The following WDFY1 variants were observed in gnomAD, a reference collection of about 807,000 sequenced individuals.
WDFY1 encodes the protein WD repeat and FYVE domain containing 1, also known as WD repeat and FYVE domain-containing protein 1.
A neutral mutation model predicts 56.4 loss-of-function variants in WDFY1; 32 were observed. The observed-to-expected ratio is 0.57, with a 90% CI of 0.43 to 0.76. The LOEUF (loss-of-function observed/expected upper bound fraction) is 0.76, where lower values mean the gene tolerates loss of function less well. Ranked by LOEUF, WDFY1 falls within the 30% of genes least tolerant of loss-of-function variation. The pLI is 0.00. For synonymous variants in WDFY1, 192 were observed against 197.3 expected, an observed-to-expected ratio of 0.97 and a Z score of 0.23; for missense variants, 480 against 545.7, an observed-to-expected ratio of 0.88 and a Z score of 1.20.
intron 1 of WDFY1, among the ~76,000 whole-genome samples, chr2:223,929,305 A>G (rs1694038529): frequency 6.7e-6 from 1 of 150,334 alleles, no homozygotes; most frequent in Non-Finnish European, 1.5e-5. Context: ...CTCCTGCCTC[A>G]GCCCCGCTAG....
chr2:223,902,533 C>A (rs1411645279), intron 4 of WDFY1, among the ~76,000 whole-genome samples: 1 of 152,060 alleles, frequency 6.6e-6, no homozygotes, highest in Non-Finnish European at 1.5e-5. Flanking sequence ...CCACTGCACT[C>A]CAGCCTGGGT....
rs571238887 is a variant in WDFY1, at chr2:223,887,312, G to A, written c.832-2563C>T. On this transcript the variant is annotated intron_variant, in intron 8 of 11. Coordinates refer to ENST00000233055, the MANE Select transcript of WDFY1 (RefSeq NM_020830.5). ...TCTTATGTCTGGGACATGCCCAAGC[G>A]TAACTCTTGCAAAACCACAGTCACA... Among the ~76,000 whole-genome samples the A allele has an allele frequency of 6.6e-5, 10 of 152,202 alleles. No individual in the cohort carries two copies. The East Asian group carries it at 1.7e-3, about 26-fold the overall frequency.
intron 6 of WDFY1, among the ~76,000 whole-genome samples, chr2:223,896,155 C>CAAAGAAAAAAAAAAAAA (rs1693368659): frequency 2.5e-5 from 1 of 39,828 alleles, no homozygotes; most frequent in Non-Finnish European, 4.2e-5. Context: ...GACTCTGTCT[C>CAAAGAAAAAAAAAAAAA]AAAAAAAAAA....
intron 1 of WDFY1, among the ~76,000 whole-genome samples, chr2:223,920,980 A>G (rs1216214941): frequency 6.6e-6 from 1 of 152,152 alleles, no homozygotes; most frequent in Non-Finnish European, 1.5e-5. Flanking sequence ...GATGTAAAAC[A>G]ACGACAAAAA....
At chr2:223,901,612 A>G (rs534185232) in intron 4 of WDFY1, among the ~76,000 whole-genome samples, 1 of 151,572 alleles carries the variant, frequency 6.6e-6, no homozygotes, top group Non-Finnish European at 1.5e-5. Context: ...AAATCAAATA[A>G]TAGATTAGAG....
chr2:223,918,237 A>G (rs891697118), intron 1 of WDFY1, among the ~76,000 whole-genome samples: 9 of 152,104 alleles, frequency 5.9e-5, no homozygotes, highest in African/African-American at 2.2e-4. Flanking sequence ...TATGCACACC[A>G]TATACATATA....
At chr2:223,929,194 T>TTGTTTTG (rs201980550) in intron 1 of WDFY1, among the ~76,000 whole-genome samples, 1 of 145,312 alleles carries the variant, frequency 6.9e-6, no homozygotes, top group South Asian at 2.2e-4. Context: ...TTTTTGTTTT[T>TTGTTTTG]TTTTTTTTTT....
intron 1 of WDFY1, among the ~76,000 whole-genome samples, chr2:223,930,487 G>A (rs1274883814): frequency 3.9e-5 from 6 of 152,140 alleles, no homozygotes; most frequent in Non-Finnish European, 7.4e-5. Flanking sequence ...GCGCCACCAC[G>A]CCAGGCTAAG....
At chr2:223,904,937 T>C (rs533067354) in intron 4 of WDFY1, among the ~76,000 whole-genome samples, 1 of 152,242 alleles carries the variant, frequency 6.6e-6, no homozygotes, top group African/African-American at 2.4e-5. Context: ...GAAAAAAAGG[T>C]ATATGTCACA....
chr2:223,939,496 T>C (rs1689260624), intron 1 of WDFY1, among the ~76,000 whole-genome samples: 1 of 152,102 alleles, frequency 6.6e-6, no homozygotes, highest in Non-Finnish European at 1.5e-5. Flanking sequence ...AGAAACTAGG[T>C]AATTATAAAC....
intron 3 of WDFY1, among the ~76,000 whole-genome samples, chr2:223,907,906 C>G (rs910530907): frequency 1.3e-5 from 2 of 151,212 alleles, no homozygotes; most frequent in African/African-American, 2.4e-5. Context: ...GCCATCCAGG[C>G]TGGAGTGCAG....
chr2:223,916,231 T>G (rs1693785263), intron 2 of WDFY1, among the ~76,000 whole-genome samples: 1 of 152,144 alleles, frequency 6.6e-6, no homozygotes, highest in South Asian at 2.1e-4. Context: ...TAACTTTTTG[T>G]GAAAATTATT....
At chr2:223,905,163 G>GACTT (rs1298581708) in intron 4 of WDFY1, among the ~76,000 whole-genome samples, 2 of 152,232 alleles carry the variant, frequency 1.3e-5, no homozygotes, top group Non-Finnish European at 2.9e-5. Flanking sequence ...ATGTTGTGAA[G>GACTT]ACTTCATGAA....
chr2:223,882,616 C>T (rs1272599027), intron 9 of WDFY1, among the ~76,000 whole-genome samples: 10 of 152,198 alleles, frequency 6.6e-5, no homozygotes, highest in Admixed American at 6.5e-4. Flanking sequence ...TATCTGTCTA[C>T]ATGTTAACAA....
intron 1 of WDFY1, among the ~76,000 whole-genome samples, chr2:223,922,105 C>A (rs1455787603): frequency 6.6e-6 from 1 of 152,204 alleles, no homozygotes. Context: ...TCCCAGTGAG[C>A]TGTCATCCTC....
intron 4 of WDFY1, among the ~76,000 whole-genome samples, chr2:223,903,143 T>A (rs1693532227): frequency 6.6e-6 from 1 of 152,182 alleles, no homozygotes; most frequent in African/African-American, 2.4e-5. Context: ...CTCCAAATGT[T>A]TTCTAAAATG....
intron 3 of WDFY1, among the ~76,000 whole-genome samples, chr2:223,911,566 C>CCACACACACA (rs58131865): frequency 8.8e-5 from 12 of 136,140 alleles, no homozygotes; most frequent in African/African-American, 1.4e-4. Context: ...AGCTGAATGA[C>CCACACACACA]CACACACACA....
At chr2:223,942,246 G>T (rs1374020313) in intron 1 of WDFY1, among the ~76,000 whole-genome samples, 6 of 150,942 alleles carry the variant, frequency 4.0e-5, no homozygotes, top group Non-Finnish European at 8.8e-5. Context: ...TTGATACGGA[G>T]TCTGGCTCTA....
At chr2:223,911,455 G>A (rs114306546) in intron 3 of WDFY1, among the ~76,000 whole-genome samples, 2,256 of 151,850 alleles carry the variant, frequency 0.015, 51 homozygotes, top group African/African-American at 0.049. Context: ...ACAATTTGAC[G>A]CACAAAAATG....
Sources: gnomAD v4.1 joint callset for allele counts (sites outside exome capture counted in the v4.1 genomes callset) on GRCh38, gnomAD v4.1.1 for gene constraint, MANE v1.5 for transcripts, NCBI Gene and HGNC (gene_info 2026-07-23, HGNC 2026-07-21) for gene names.